Variants in TCF20 observed in about 807,000 individuals in gnomAD.
TCF20 encodes the protein transcription factor 20, also known as SPRE-binding protein.
In TCF20, 3 loss-of-function variants were observed where a neutral mutation model predicts 148.6. That is an observed-to-expected ratio of 0.02 (90% CI 0.01 to 0.05). The LOEUF (loss-of-function observed/expected upper bound fraction) is 0.05. Among genes scored for constraint, TCF20 ranks in the 10% least tolerant of loss-of-function variants. The pLI is 1.00. For missense variants in TCF20, 2,350 were observed against 2,429.3 expected (o/e 0.97, Z 0.69); for synonymous variants, 1,049 against 909.5 (o/e 1.15, Z -2.76).
intron 1 of TCF20, among the ~76,000 whole-genome samples, chr22:42,335,918 G>A (rs1345011734): frequency 6.6e-6 from 1 of 152,162 alleles, no homozygotes; most frequent in Non-Finnish European, 1.5e-5. Flanking sequence ...CCTGTGGTGG[G>A]CAACCAAATC....
In TCF20 at chr22:42,236,991, G is replaced by A. The variant is rs1207133310; in HGVS notation, c.-36-21650C>T. 2.0e-5 allele frequency among the ~76,000 whole-genome samples: 3 copies of A among 152,160 alleles called. No individual in the cohort carries two copies. The East Asian group carries it at 5.8e-4, about 29-fold the overall frequency. On this transcript the variant is annotated intron_variant, in intron 1 of 5. Coordinates refer to ENST00000677622, the MANE Select transcript of TCF20 (RefSeq NM_001378418.1). Reference sequence around the variant, plus strand: ...GGAGGGTCTTGCCTCCATGTTGATGGCTGCTGACTAATTAGGGTGGTGGTT... The same window carrying A: ...GGAGGGTCTTGCCTCCATGTTGATGACTGCTGACTAATTAGGGTGGTGGTT...
At chr22:42,341,374 CA>C (rs1289308467) in intron 1 of TCF20, among the ~76,000 whole-genome samples, 1 of 152,158 alleles carries the variant, frequency 6.6e-6, no homozygotes, top group Non-Finnish European at 1.5e-5. Flanking sequence ...GGGAGGACAT[CA>C]GGGGTGGGCT....
rs1601495617 is a variant in TCF20, at chr22:42,161,300, G to GTA, written c.*101_*102dup. 2 of 1,613,356 alleles carry GTA rather than the reference G, an allele frequency of 1.2e-6. No homozygotes were observed. Among genetic ancestry groups the GTA allele is most frequent in the African/African-American group, 2.7e-5 (2 of 75,036 alleles). ...GGGCAGGGCAGGGTGTGGCTGCACG[G>GTA]TAGGACGATTTCCATTCCATCACGA... On this transcript the variant is annotated 3_prime_UTR_variant, in exon 6 of 6. Coordinates refer to ENST00000677622, the MANE Select transcript of TCF20 (RefSeq NM_001378418.1).
intron 1 of TCF20, among the ~76,000 whole-genome samples, chr22:42,217,205 C>A (rs1921898619): frequency 6.6e-6 from 1 of 152,154 alleles, no homozygotes; most frequent in South Asian, 2.1e-4. Flanking sequence ...CTGAGCTCCT[C>A]CCCTATCACT....
intron 1 of TCF20, among the ~76,000 whole-genome samples, chr22:42,266,992 G>A (rs932027483): frequency 4.0e-5 from 6 of 151,282 alleles, no homozygotes; most frequent in Non-Finnish European, 5.9e-5. Context: ...TTAATAGGCC[G>A]GGCACGGTGG....
Position 42,213,815 on chromosome 22 carries a change from G to A in TCF20, c.1491C>T (p.Ser497=). 1 of 1,614,196 alleles carries A rather than the reference G, an allele frequency of 6.2e-7. No homozygotes were observed. ...GTGAGGAGCCTTCAGAATTTGTGCA[G>A]CTATCTGCTTTCTTGGAAGATGAGG... ...KRPSSSKKAD[S]CTNSEGSSQP... The change falls in exon 2 of 6, where the codon AGC becomes AGT. Residue 497 remains serine, a synonymous_variant. Transcript: ENST00000677622.
intron 1 of TCF20, among the ~76,000 whole-genome samples, chr22:42,242,217 A>AC (rs1924482596): frequency 4.0e-5 from 6 of 149,912 alleles, no homozygotes; most frequent in East Asian, 1.9e-4. Context: ...AAAAAAAAAA[A>AC]AAAAAAAAAA....
chr22:42,163,700 C>T (rs557903069), intron 5 of TCF20, among the ~76,000 whole-genome samples: 8 of 152,312 alleles, frequency 5.3e-5, no homozygotes, highest in South Asian at 2.1e-4. Context: ...GGCTGAGAGA[C>T]GGCTGGGTCC....
intron 1 of TCF20, among the ~76,000 whole-genome samples, chr22:42,248,609 T>C (rs1473265725): frequency 1.3e-5 from 2 of 152,172 alleles, no homozygotes; most frequent in African/African-American, 2.4e-5. Context: ...TCAGTACCAA[T>C]CATAATCCCA....
chr22:42,210,278 G>A lies in TCF20; in HGVS notation c.5028C>T (p.Ser1676=), dbSNP rs1920932483. Residue 1676 remains serine (S), a synonymous_variant, in exon 2 of 6, where the codon AGC becomes AGT. Coordinates refer to ENST00000677622, the MANE Select transcript of TCF20 (RefSeq NM_001378418.1). This position sits in a 1 kb window ranked among gnomAD's most constrained non-coding sequence, Gnocchi z 4.7. ...AGGCCGGGAGCGCCTTGCTTTCAGT[G>A]CTGCTAGGTGGAGGGGTCAGTGACC... ...GQRSLTPPPS[S]TESKALPASS... The A allele has an allele frequency of 6.2e-7, 1 of 1,614,100 alleles. No homozygotes were observed. The highest frequency in any genetic ancestry group is 1.3e-5 in the African/African-American group (1 of 74,924).
At chr22:42,333,082 C>T (rs868417772) in intron 1 of TCF20, among the ~76,000 whole-genome samples, 2 of 152,262 alleles carry the variant, frequency 1.3e-5, no homozygotes, top group Admixed American at 1.3e-4. Flanking sequence ...AAAACAAAAG[C>T]CTGGCTGCGT....
At chr22:42,202,236 T>C (rs544792618) in intron 2 of TCF20, among the ~76,000 whole-genome samples, 2 of 152,302 alleles carry the variant, frequency 1.3e-5, no homozygotes, top group East Asian at 1.9e-4. Context: ...AAGACAACAA[T>C]GAGGGAGGAC....
chr22:42,315,260 G>C (rs1302006796), intron 1 of TCF20, among the ~76,000 whole-genome samples: 1 of 152,230 alleles, frequency 6.6e-6, no homozygotes, highest in African/African-American at 2.4e-5. Context: ...GGAGAAGCCA[G>C]TGGGAGCCCC....
rs548729554 is a variant in TCF20 at position 42,311,226 on chromosome 22, C to T, written c.-37+32253G>A. On this transcript the variant is annotated intron_variant, in intron 1 of 1. Coordinates refer to the TCF20 transcript ENST00000515426. The stretch of plus-strand genomic sequence containing the variant: ...TGGGCAGGGGTCCCTGCGGGGCTGG[C>T]GACTGGGACCTGCAGTCAGGGAGGC... Among the ~76,000 whole-genome samples the T allele has an allele frequency of 1.8e-3, 280 of 152,316 alleles. 2 individuals carry two copies. Among genetic ancestry groups the T allele is most frequent in the Non-Finnish European group, 3.5e-3 (235 of 68,026 alleles).
At chr22:42,251,111 T>A (rs1045769596) in intron 1 of TCF20, among the ~76,000 whole-genome samples, 3 of 152,196 alleles carry the variant, frequency 2.0e-5, no homozygotes, top group African/African-American at 7.2e-5. Flanking sequence ...CAGGGACACA[T>A]ATCCAAACTA....
chr22:42,253,820 G>A (rs540889992), intron 1 of TCF20, among the ~76,000 whole-genome samples: 4 of 152,302 alleles, frequency 2.6e-5, no homozygotes, highest in Non-Finnish European at 4.4e-5. Context: ...GCTCATGCCT[G>A]TAATCCCAGC....
intron 1 of TCF20, among the ~76,000 whole-genome samples, chr22:42,331,305 C>T (rs1266096666): frequency 1.3e-5 from 2 of 152,200 alleles, no homozygotes; most frequent in African/African-American, 2.4e-5. Flanking sequence ...TCCTGCCGCA[C>T]GCCCTGGAAA....
intron 1 of TCF20, among the ~76,000 whole-genome samples, chr22:42,221,816 G>A (rs1218455335): frequency 7.6e-6 from 1 of 131,268 alleles, no homozygotes; most frequent in East Asian, 2.3e-4. Flanking sequence ...TCGGCTCACT[G>A]CAAGCTCCGC....
In TCF20 at chr22:42,169,874, G is replaced by C. The variant is rs1936015104; in HGVS notation, c.5772C>G (p.Asn1924Lys). 1 of 1,613,406 alleles carries C rather than the reference G, an allele frequency of 6.2e-7. No individual in the cohort carries two copies. The highest frequency in any genetic ancestry group is 8.5e-7 in the Non-Finnish European group (1 of 1,180,032). Reference protein sequence around the residue: ...IDADCLLHEENFSVRCPKHKP... With the variant: ...IDADCLLHEEKFSVRCPKHKP... The stretch of plus-strand genomic sequence containing the variant: ...TGTGCTTAGGGCACCTCACCGAGAA[G>C]TTCTCCTCATGTAGCAAACAATCTG... The change falls in exon 4 of 6, where the codon AAC (asparagine) becomes AAG (lysine). Residue 1924 changes from asparagine to lysine, a missense_variant. Asn to Lys is a moderately conservative substitution (Grantham distance 94). Around this residue, in one of 7 missense-constraint regions of TCF20, gnomAD observed 67 missense variants for 60.8 expected, o/e 1.10. Transcript: ENST00000677622.
Sources: gnomAD v4.1 joint callset for allele counts (sites outside exome capture counted in the v4.1 genomes callset) on GRCh38, gnomAD v4.1.1 for gene constraint, gnomAD v4.1.1 regional missense constraint, Gnocchi (gnomAD v3.1) non-coding constraint, MANE v1.5 for transcripts, NCBI Gene and HGNC (gene_info 2026-07-23, HGNC 2026-07-21) for gene names.